Variants in FRYL observed in about 807,000 individuals in gnomAD.
FRYL encodes protein furry homolog-like.
Under a neutral mutation model 351.2 loss-of-function variants are expected in FRYL, and 150 were observed. The ratio of observed to expected loss-of-function variants is 0.43; its 90% CI spans 0.37 to 0.49. The LOEUF is 0.49. FRYL is among the 20% of genes least tolerant of loss of function. FRYL has a pLI of 0.00. For synonymous variants in FRYL, 1,153 were observed against 1,257.1 expected (o/e 0.92, Z 1.75); for missense variants, 3,036 against 3,619.3 (o/e 0.84, Z 4.13).
chr4:48,535,683 ATGT>A lies in FRYL; in HGVS notation c.6535_6537del (p.Thr2179del), dbSNP rs753357496. 5.0e-6 allele frequency: 8 copies of A among 1,588,696 alleles called. No individual in the cohort carries two copies. Among genetic ancestry groups the A allele is most frequent in the South Asian group, 2.3e-5 (2 of 85,188 alleles). On this transcript the variant is annotated inframe_deletion, in exon 48 of 64. Coordinates refer to ENST00000358350, the MANE Select transcript of FRYL (RefSeq NM_015030.2). ...TCTGCAAGATAAGTCACAAGATTAA[ATGT>A]TGTATCTGAGAAGGAGTCATGCAGG... is the stretch of plus-strand genomic sequence containing the variant.
intron 1 of FRYL, among the ~76,000 whole-genome samples, chr4:48,746,236 T>C (rs1333325061): frequency 2.6e-5 from 4 of 152,150 alleles, no homozygotes; most frequent in Admixed American, 6.5e-5. Flanking sequence ...AACTGGTCTA[T>C]TGACAGGTAG....
intron 7 of FRYL, 50 bp downstream of exon 7, chr4:48,619,224 A>T (rs763206761): frequency 8.7e-6 from 10 of 1,154,248 alleles, no homozygotes. Context: ...ACGAAGGCAC[A>T]GTAAGCAAAG....
chr4:48,610,679 T>C (rs1392951978), intron 7 of FRYL, among the ~76,000 whole-genome samples: 1 of 145,974 alleles, frequency 6.9e-6, no homozygotes, highest in Admixed American at 6.9e-5. Context: ...TATATTATAT[T>C]ATATATTATA....
intron 40 of FRYL, among the ~76,000 whole-genome samples, 189 bp downstream of exon 40, chr4:48,548,497 ATGTT>A (rs1487782886): frequency 2.6e-5 from 4 of 152,158 alleles, no homozygotes; most frequent in Non-Finnish European, 5.9e-5. Context: ...GGTAATAGAC[ATGTT>A]TGTTTGTGGT....
chr4:48,605,624 T>C (rs1237108827), intron 11 of FRYL, 117 bp downstream of exon 11: 1 of 700,458 alleles, frequency 1.4e-6, no homozygotes, highest in Non-Finnish European at 2.5e-6. Flanking sequence ...GAGACGAGCC[T>C]TCCCATGGCC....
rs74614166 is a variant in FRYL at position 48,769,240 on chromosome 4, T to C, written c.-384+10838A>G. On this transcript the variant is annotated intron_variant, in intron 1 of 63. Transcript: ENST00000358350. ...AAGCTTCAGATGCAGAGAAAATGTT[T>C]ACATACCACATAACTGGCAAAGAAC... 3.2e-3 allele frequency among the ~76,000 whole-genome samples: 481 copies of C among 152,310 alleles called. 1 individual carries two copies. The highest frequency in any genetic ancestry group is 0.011 in the African/African-American group (460 of 41,566).
intron 3 of FRYL, among the ~76,000 whole-genome samples, chr4:48,641,264 T>A (rs181420945): frequency 6.6e-6 from 1 of 152,238 alleles, no homozygotes; most frequent in East Asian, 1.9e-4. Flanking sequence ...ATATAGCTTA[T>A]CAAGAGCAGA....
chr4:48,632,137 C>A (rs1753331751), intron 4 of FRYL, among the ~76,000 whole-genome samples: 1 of 96,602 alleles, frequency 1.0e-5, no homozygotes, highest in African/African-American at 4.0e-5. Context: ...TATGCGCACA[C>A]AAAATCTCAA....
chr4:48,684,575 G>T (rs539725304), intron 3 of FRYL, 98 bp downstream of exon 3: 4 of 152,334 alleles, frequency 2.6e-5, no homozygotes, highest in Non-Finnish European at 4.4e-5. Context: ...ATAGGATCAA[G>T]AAATTATAGT....
chr4:48,612,743 TA>T (rs1748487533), intron 7 of FRYL, among the ~76,000 whole-genome samples: 1 of 108,882 alleles, frequency 9.2e-6, no homozygotes, highest in South Asian at 3.4e-4. Context: ...CATGCCTGGC[TA>T]ATTTTTTTTT....
At chr4:48,666,049 A>G (rs1187280011) in intron 3 of FRYL, among the ~76,000 whole-genome samples, 5 of 152,192 alleles carry the variant, frequency 3.3e-5, no homozygotes, top group Admixed American at 3.3e-4. Flanking sequence ...GCAACCAAAT[A>G]TAAGAGCAAA....
At chr4:48,527,046 GTATGAGCTGTA>G (rs969838708) in intron 53 of FRYL, among the ~76,000 whole-genome samples, 1 of 152,138 alleles carries the variant, frequency 6.6e-6, no homozygotes, top group African/African-American at 2.4e-5. Flanking sequence ...TGATGAATGT[GTATGAGCTGTA>G]TATGAGTAGT....
chr4:48,675,600 A>C (rs543483830), intron 3 of FRYL, among the ~76,000 whole-genome samples: 3 of 152,202 alleles, frequency 2.0e-5, no homozygotes, highest in African/African-American at 7.2e-5. Flanking sequence ...GGGGACCTGC[A>C]GCCTGCCATG....
Position 48,525,163 on chromosome 4 carries a change from G to GTATATATATA in FRYL, c.7318-2069_7318-2060dup, listed in dbSNP as rs57457069. 7.6e-4 allele frequency among the ~76,000 whole-genome samples: 107 copies of GTATATATATA among 139,878 alleles called. 1 individual carries two copies. The highest frequency in any genetic ancestry group is 2.9e-3 in the African/African-American group (103 of 35,266). The allele number at this position is 139,878 out of a possible 152,430, so 91.8% of individuals were successfully genotyped here. On this transcript the variant is annotated intron_variant, in intron 53 of 63. Coordinates refer to ENST00000358350, the MANE Select transcript of FRYL (RefSeq NM_015030.2). ...ATTCTTGCAACTTTTATTTTTAAAGGTATATATATATATATATATATATAT... is the reference window on the plus strand; with the variant it reads ...ATTCTTGCAACTTTTATTTTTAAAGGTATATATATATATATATATATATATATATATATAT...
intron 60 of FRYL, among the ~76,000 whole-genome samples, chr4:48,504,230 C>A (rs1004687159): frequency 3.3e-5 from 5 of 152,144 alleles, no homozygotes; most frequent in South Asian, 4.1e-4. Flanking sequence ...AAGACTGGTA[C>A]ACAAGGACAG....
chr4:48,651,291 GTGTGTGT>G (rs1757637924), intron 3 of FRYL, among the ~76,000 whole-genome samples: 1 of 9,900 alleles, frequency 1.0e-4, no homozygotes, highest in Non-Finnish European at 3.7e-4. Context: ...GGATCTCACT[GTGTGTGT>G]GTGTGTGTGT....
intron 34 of FRYL, 102 bp from the exon 35 acceptor site, chr4:48,557,220 C>A: frequency 7.2e-7 from 1 of 1,385,624 alleles, no homozygotes; most frequent in South Asian, 1.5e-5. Context: ...GTACAGATAG[C>A]TTTAATCGTT....
At chr4:48,717,401 G>A (rs958814519) in intron 1 of FRYL, among the ~76,000 whole-genome samples, 2 of 151,632 alleles carry the variant, frequency 1.3e-5, no homozygotes, top group African/African-American at 4.8e-5. Flanking sequence ...CCACGTAAGT[G>A]GTTGCCTAGG....
At chr4:48,757,594 T>C (rs996933101) in intron 1 of FRYL, among the ~76,000 whole-genome samples, 1 of 151,972 alleles carries the variant, frequency 6.6e-6, no homozygotes, top group Non-Finnish European at 1.5e-5. Flanking sequence ...TAAAAGAGGA[T>C]ACAAACAAAT....
Sources: allele counts gnomAD v4.1 joint callset (sites outside exome capture counted in the v4.1 genomes callset), GRCh38; gene constraint gnomAD v4.1.1; transcripts MANE v1.5; gene names NCBI Gene and HGNC (gene_info 2026-07-23, HGNC 2026-07-21).